Variants in ASH1L observed in about 807,000 individuals in gnomAD.
The protein encoded by ASH1L is histone-lysine N-methyltransferase ASH1L.
Under a neutral mutation model 269.0 loss-of-function variants are expected in ASH1L, and 23 were observed. The ratio of observed to expected loss-of-function variants is 0.09; its 90% CI spans 0.06 to 0.12. ASH1L has a LOEUF of 0.12. Ranked by LOEUF, ASH1L falls within the 10% of genes least tolerant of loss-of-function variation. The pLI is 1.00. For missense variants in ASH1L, 2,912 were observed against 3,567.8 expected, an observed-to-expected ratio of 0.82 and a Z score of 4.68; for synonymous variants, 1,187 against 1,253.5, an observed-to-expected ratio of 0.95 and a Z score of 1.12.
chr1:155,363,281 C>G (rs557402324), intron 12 of ASH1L, among the ~76,000 whole-genome samples: 1 of 152,216 alleles, frequency 6.6e-6, no homozygotes, highest in Admixed American at 6.5e-5. Flanking sequence ...CCGCGCCTGG[C>G]TAATTTTTTA....
chr1:155,539,616 A>G (rs1670287661), intron 1 of ASH1L, among the ~76,000 whole-genome samples: 1 of 151,846 alleles, frequency 6.6e-6, no homozygotes, highest in Non-Finnish European at 1.5e-5. Flanking sequence ...TGCCCAGCCA[A>G]TTTTTTATTT....
chr1:155,452,628 G>A (rs1174107763), intron 4 of ASH1L, among the ~76,000 whole-genome samples: 1 of 149,982 alleles, frequency 6.7e-6, no homozygotes, highest in African/African-American at 2.5e-5. Context: ...GTAATCTTGG[G>A]TTTACAACCT....
intron 1 of ASH1L, among the ~76,000 whole-genome samples, chr1:155,528,642 G>C (rs753593502): frequency 4.6e-5 from 7 of 152,094 alleles, no homozygotes; most frequent in Non-Finnish European, 7.4e-5. Flanking sequence ...AGTAGATGAA[G>C]TTCCTCCCCA....
chr1:155,550,101 A>T (rs1262706898), intron 1 of ASH1L, among the ~76,000 whole-genome samples: 8 of 151,830 alleles, frequency 5.3e-5, no homozygotes, highest in Admixed American at 5.3e-4. Flanking sequence ...GTTCACTGCA[A>T]TCTCCACCTC....
intron 4 of ASH1L, among the ~76,000 whole-genome samples, chr1:155,451,079 C>T (rs911851734): frequency 6.6e-6 from 1 of 151,744 alleles, no homozygotes; most frequent in Non-Finnish European, 1.5e-5. Flanking sequence ...TGCCTGTAAT[C>T]CCAGCTACTC....
chr1:155,424,429 C>CA (rs1660969027), intron 5 of ASH1L, among the ~76,000 whole-genome samples: 1 of 150,670 alleles, frequency 6.6e-6, no homozygotes, highest in Admixed American at 6.6e-5. Flanking sequence ...TTTTTTGAGA[C>CA]AGAGTTTCGC....
chr1:155,467,325 G>A (rs886500067), intron 3 of ASH1L, among the ~76,000 whole-genome samples: 1 of 152,104 alleles, frequency 6.6e-6, no homozygotes, highest in African/African-American at 2.4e-5. Flanking sequence ...AAATTAAATA[G>A]AATCACTATC....
intron 15 of ASH1L, among the ~76,000 whole-genome samples, chr1:155,355,713 TC>T (rs1450309460): frequency 6.6e-6 from 1 of 152,182 alleles, no homozygotes; most frequent in Non-Finnish European, 1.5e-5. Context: ...ATTTAAAATT[TC>T]TACAACTCAA....
At chr1:155,349,031 G>A (rs1653638871) in intron 19 of ASH1L, among the ~76,000 whole-genome samples, 1 of 151,196 alleles carries the variant, frequency 6.6e-6, no homozygotes, top group Non-Finnish European at 1.5e-5. Flanking sequence ...TTAGTTAAAT[G>A]TATTAAAATA....
intron 3 of ASH1L, among the ~76,000 whole-genome samples, chr1:155,476,293 G>A (rs1294606586): frequency 1.3e-5 from 2 of 151,962 alleles, no homozygotes; most frequent in Admixed American, 6.5e-5. Flanking sequence ...GGGTGAGGCA[G>A]GAGAATCGCT....
At chr1:155,345,571 CTT>C (rs1179125179) in intron 21 of ASH1L, among the ~76,000 whole-genome samples, 7 of 104,920 alleles carry the variant, frequency 6.7e-5, no homozygotes, top group Admixed American at 2.2e-4. Flanking sequence ...CCATGCCCAG[CTT>C]TTTTTTTTTT....
chr1:155,462,860 G>C (rs900318340), intron 3 of ASH1L, among the ~76,000 whole-genome samples: 2 of 152,104 alleles, frequency 1.3e-5, no homozygotes, highest in African/African-American at 4.8e-5. Context: ...TCTATCGCTT[G>C]GTAATCATCA....
intron 2 of ASH1L, chr1:155,520,325 A>G (rs912867574): frequency 1.4e-5 from 2 of 141,388 alleles, no homozygotes; most frequent in African/African-American, 2.7e-5. Context: ...GCACCACTGC[A>G]CTCCAGTCTG....
chr1:155,415,312 G>A (rs1660116456), intron 6 of ASH1L, among the ~76,000 whole-genome samples: 1 of 149,968 alleles, frequency 6.7e-6, no homozygotes, highest in South Asian at 2.1e-4. Context: ...AACCCCGGAG[G>A]CAGAGTTTGC....
chr1:155,337,988 T>G, intron 27 of ASH1L, 101 bp downstream of exon 27: 1 of 1,273,414 alleles, frequency 7.9e-7, no homozygotes, highest in South Asian at 1.5e-5. Context: ...TACCATTTTC[T>G]TAGAATACTT....
At chr1:155,541,132 T>C (rs1196244722) in intron 1 of ASH1L, among the ~76,000 whole-genome samples, 1 of 152,168 alleles carries the variant, frequency 6.6e-6, no homozygotes, top group Non-Finnish European at 1.5e-5. Context: ...CACTAGACCA[T>C]GCATTACATG....
chr1:155,486,719 C>A (rs910046132), intron 2 of ASH1L, among the ~76,000 whole-genome samples: 1 of 152,064 alleles, frequency 6.6e-6, no homozygotes, highest in African/African-American at 2.4e-5. Context: ...TACTTTTATA[C>A]TTTTAAAAAC....
intron 17 of ASH1L, among the ~76,000 whole-genome samples, chr1:155,350,966 G>A (rs1237032015): frequency 2.0e-5 from 3 of 150,382 alleles, no homozygotes; most frequent in African/African-American, 7.3e-5. Flanking sequence ...GACCGGGCGC[G>A]ATGGCACACG....
At chr1:155,344,492 G>T in intron 21 of ASH1L, 1 of 445,654 alleles carries the variant, frequency 2.2e-6, no homozygotes, top group Non-Finnish European at 4.0e-6. Context: ...GTTTTATGAA[G>T]CACTAATTGT....
Sources: allele counts gnomAD v4.1 joint callset (sites outside exome capture counted in the v4.1 genomes callset), GRCh38; gene constraint gnomAD v4.1.1; transcripts MANE v1.5; gene names NCBI Gene and HGNC (gene_info 2026-07-23, HGNC 2026-07-21).